The following MYOM2 variants were observed in gnomAD, a reference collection of about 807,000 sequenced individuals.
MYOM2 encodes myomesin 2, also known as myomesin-2.
Under a neutral mutation model 187.6 loss-of-function variants are expected in MYOM2, and 254 were observed. That is an observed-to-expected ratio of 1.35 (90% CI 1.22 to 1.50). The LOEUF is 1.50. Among genes scored for constraint, MYOM2 ranks in the 40% most tolerant of loss-of-function variants. The pLI, the probability that MYOM2 is intolerant of heterozygous loss-of-function variation, is 0.00. For missense variants in MYOM2, 2,796 were observed against 1,924.0 expected, an observed-to-expected ratio of 1.45 and a Z score of -8.48; for synonymous variants, 981 against 753.8, an observed-to-expected ratio of 1.30 and a Z score of -4.94.
chr8:2,050,192 C>G (rs1171825999), intron 1 of MYOM2, among the ~76,000 whole-genome samples: 1 of 152,162 alleles, frequency 6.6e-6, no homozygotes, highest in Non-Finnish European at 1.5e-5. Flanking sequence ...ATCCTGGATT[C>G]TCCTGCCCGA....
chr8:2,075,858 C>T (rs914637665), intron 10 of MYOM2, among the ~76,000 whole-genome samples: 18 of 152,152 alleles, frequency 1.2e-4, no homozygotes, highest in Non-Finnish European at 1.2e-4. Flanking sequence ...CATAGCAGGA[C>T]CAAGAGAAGA....
intron 10 of MYOM2, among the ~76,000 whole-genome samples, chr8:2,075,654 T>C (rs947335623): frequency 6.6e-6 from 1 of 152,258 alleles, no homozygotes; most frequent in African/African-American, 2.4e-5. Flanking sequence ...ATTAGGGTCA[T>C]CAATAGACTG....
intron 19 of MYOM2, among the ~76,000 whole-genome samples, chr8:2,099,327 C>A (rs992212753): frequency 1.3e-5 from 2 of 152,160 alleles, no homozygotes; most frequent in African/African-American, 2.4e-5. Flanking sequence ...GGTCACCTAC[C>A]CCAAAGGAGC....
chr8:2,083,289 C>G (rs982062678), intron 13 of MYOM2, among the ~76,000 whole-genome samples: 1 of 148,710 alleles, frequency 6.7e-6, no homozygotes, highest in Non-Finnish European at 1.5e-5. Flanking sequence ...AGTGTCTAGC[C>G]TTTGCTTAGC....
At chr8:2,133,827 T>A (rs953339176) in intron 32 of MYOM2, among the ~76,000 whole-genome samples, 1 of 152,216 alleles carries the variant, frequency 6.6e-6, no homozygotes, top group Non-Finnish European at 1.5e-5. Flanking sequence ...GCCATTTATT[T>A]TATTGTATAT....
Position 2,085,578 on chromosome 8 carries a change from G to GTGATCTTTGCGTGGCCCCACTGTCA in MYOM2, c.1644+194_1644+195insTTGCGTGGCCCCACTGTCATGATCT, listed in dbSNP as rs1819830454. Among the ~76,000 whole-genome samples the GTGATCTTTGCGTGGCCCCACTGTCA allele has an allele frequency of 1.6e-4, 2 of 12,334 alleles. 1 individual carries two copies. The highest frequency in any genetic ancestry group is 2.4e-4 in the Non-Finnish European group (2 of 8,194). The allele number at this position is 12,334 out of a possible 152,430, so 8.1% of individuals were successfully genotyped here. On this transcript the variant is annotated intron_variant, in intron 14 of 36. Transcript: ENST00000262113. ...ATGATCTCTGCGTGGCCCCACTGTT[G>GTGATCTTTGCGTGGCCCCACTGTCA]TGATCTCTGCGTGGCCCCACTGTCG...
intron 31 of MYOM2, 134 bp from the exon 32 acceptor site, chr8:2,128,993 G>A (rs117580009): frequency 0.029 from 16,709 of 584,048 alleles, 287 homozygotes; most frequent in Middle Eastern, 0.041. Context: ...ATTTGTGGCT[G>A]GCCGACTTTA....
chr8:2,111,362 T>C (rs1226886371), intron 25 of MYOM2, among the ~76,000 whole-genome samples: 7 of 152,210 alleles, frequency 4.6e-5, no homozygotes, highest in Admixed American at 4.6e-4. Context: ...GCCTAATTAT[T>C]TTGTAAAACC....
At chr8:2,086,888 T>G (rs1796110436) in intron 14 of MYOM2, among the ~76,000 whole-genome samples, 1 of 151,916 alleles carries the variant, frequency 6.6e-6, no homozygotes, top group South Asian at 2.1e-4. Flanking sequence ...GTAGAGGAAA[T>G]GCACACAAGA....
Position 2,057,732 on chromosome 8 carries a change from T to C in MYOM2, c.512T>C (p.Val171Ala), listed in dbSNP as rs775880163. 9.3e-6 allele frequency: 15 copies of C among 1,614,060 alleles called. No homozygotes were observed. Among genetic ancestry groups the C allele is most frequent in the Non-Finnish European group, 1.3e-5 (15 of 1,180,022 alleles). Residue 171 changes from valine (V) to alanine (A), a missense_variant, in exon 5 of 37, where the codon GTG becomes GCG. Physicochemically the swap from Val to Ala is moderately conservative, Grantham distance 64. Coordinates refer to ENST00000262113, the MANE Select transcript of MYOM2 (RefSeq NM_003970.4). ...RSHTVWERMS[V>A]KLCFTVQGFP... ...CACACCGTCTGGGAGAGGATGTCTG[T>C]GAAACTCTGCTTCACCGTGCAAGGA...
At chr8:2,088,453 T>C (rs929701199) in intron 14 of MYOM2, among the ~76,000 whole-genome samples, 1 of 152,200 alleles carries the variant, frequency 6.6e-6, no homozygotes. Context: ...CCTCAGTGTC[T>C]ATCGTTGCCA....
intron 5 of MYOM2, among the ~76,000 whole-genome samples, chr8:2,058,316 C>T (rs1309869159): frequency 6.6e-6 from 1 of 152,058 alleles, no homozygotes; most frequent in East Asian, 1.9e-4. Flanking sequence ...ACACGCCTGA[C>T]CAGAGTGTAT....
chr8:2,143,307 C>A, intron 35 of MYOM2, 94 bp from the exon 36 acceptor site: 1 of 1,390,384 alleles, frequency 7.2e-7, no homozygotes, highest in Non-Finnish European at 1.0e-6. Flanking sequence ...CTCCTCACCA[C>A]ATTCACCTTG....
chr8:2,075,851 A>T (rs1208664735), intron 10 of MYOM2, among the ~76,000 whole-genome samples: 1 of 152,256 alleles, frequency 6.6e-6, no homozygotes, highest in Non-Finnish European at 1.5e-5. Context: ...TATGCACCAT[A>T]GCAGGACCAA....
rs1360328522 is a variant in MYOM2, at chr8:2,073,390, A to G, written c.1010A>G (p.Gln337Arg). ...ACGAAGATGTTCTTTGGAGAAGGCC[A>G]GGCCTCCCTGTCCTTCAGCCACCTG... Reference protein sequence around the residue: ...KWTKMFFGEGQASLSFSHLHK... With the variant: ...KWTKMFFGEGRASLSFSHLHK... Residue 337 changes from glutamine (Q) to arginine (R), a missense_variant, in exon 10 of 37, where the codon CAG (glutamine) becomes CGG (arginine). Physicochemically the swap from Gln to Arg is conservative, Grantham distance 43. Transcript: ENST00000262113. 1.2e-6 allele frequency: 2 copies of G among 1,613,260 alleles called. No homozygotes were observed. Among genetic ancestry groups the G allele is most frequent in the African/African-American group, 1.3e-5 (1 of 74,934 alleles).
intron 32 of MYOM2, among the ~76,000 whole-genome samples, chr8:2,131,728 C>T (rs1342753695): frequency 2.0e-5 from 3 of 150,224 alleles, no homozygotes; most frequent in African/African-American, 7.4e-5. Context: ...ACTGCAAGCT[C>T]AGCCTCCCAG....
intron 25 of MYOM2, among the ~76,000 whole-genome samples, chr8:2,114,738 G>T (rs1356737944): frequency 6.6e-6 from 1 of 152,176 alleles, no homozygotes; most frequent in African/African-American, 2.4e-5. Context: ...CCAAAGTGCT[G>T]GGATTACAGG....
chr8:2,144,669 G>A lies in MYOM2; in HGVS notation c.4086G>A (p.Leu1362=). ...DVVTIMEGKT[L]NLTCTVFGNP... is the part of the protein sequence containing the mutation. Reference sequence around the variant, plus strand: ...CCAACCTCTTCCGTCCAAAGACCTTGAATCTGACCTGCACGGTGTTTGGAA... The same window carrying A: ...CCAACCTCTTCCGTCCAAAGACCTTAAATCTGACCTGCACGGTGTTTGGAA... Residue 1362 remains leucine, a synonymous_variant, in exon 37 of 37, where the codon TTG becomes TTA. Coordinates refer to ENST00000262113, the MANE Select transcript of MYOM2 (RefSeq NM_003970.4). 6.2e-7 allele frequency: 1 copy of A among 1,613,544 alleles called. No homozygotes were observed. Among genetic ancestry groups the A allele is most frequent in the Non-Finnish European group, 8.5e-7 (1 of 1,179,928 alleles).
intron 18 of MYOM2, among the ~76,000 whole-genome samples, chr8:2,097,578 G>A (rs999522160): frequency 2.0e-5 from 3 of 152,100 alleles, no homozygotes; most frequent in Non-Finnish European, 2.9e-5. Flanking sequence ...GCAGTGGCAC[G>A]ATCTCGGCTC....
Sources: gnomAD v4.1 joint callset for allele counts (sites outside exome capture counted in the v4.1 genomes callset) on GRCh38, gnomAD v4.1.1 for gene constraint, MANE v1.5 for transcripts, NCBI Gene and HGNC (gene_info 2026-07-23, HGNC 2026-07-21) for gene names.